LRP2: variants seen among roughly 807,000 people sequenced by gnomAD.
LRP2 encodes LDL receptor related protein 2.
Under a neutral mutation model 531.0 loss-of-function variants are expected in LRP2, and 172 were observed. That is an observed-to-expected ratio of 0.32 (90% CI 0.29 to 0.37). LRP2 has a LOEUF of 0.37. Ranked by LOEUF, LRP2 falls within the 10% of genes least tolerant of loss-of-function variation. The pLI is 1.00. For missense variants in LRP2, 5,167 were observed against 5,868.3 expected, an observed-to-expected ratio of 0.88 and a Z score of 3.90; for synonymous variants, 1,992 against 2,027.6, an observed-to-expected ratio of 0.98 and a Z score of 0.47.
At chr2:169,187,441 AT>A (rs1687672852) in intron 49 of LRP2, among the ~76,000 whole-genome samples, 1 of 152,222 alleles carries the variant, frequency 6.6e-6, no homozygotes, top group Non-Finnish European at 1.5e-5. Flanking sequence ...GGTTACAAGG[AT>A]TAAACACCAC....
chr2:169,246,319 C>T (rs1441328069), intron 21 of LRP2, among the ~76,000 whole-genome samples: 1 of 152,112 alleles, frequency 6.6e-6, no homozygotes, highest in African/African-American at 2.4e-5. Flanking sequence ...GTTTCCCAGG[C>T]TGGTCTCAAA....
chr2:169,307,542 A>G (rs966866550), intron 3 of LRP2, 145 bp from the exon 4 acceptor site: 1 of 668,670 alleles, frequency 1.5e-6, no homozygotes, highest in Non-Finnish European at 2.7e-6. Flanking sequence ...GAGCTTACAA[A>G]GCAAAAACAG....
In LRP2 at chr2:169,282,953, C is replaced by A; in HGVS notation, c.1091G>T (p.Ser364Ile). The A allele has an allele frequency of 4.3e-6, 7 of 1,614,154 alleles. No homozygotes were observed. The highest frequency in any genetic ancestry group is 2.5e-6 in the Non-Finnish European group (3 of 1,180,000). Residue 364 changes from serine to isoleucine, a missense_variant, in exon 10 of 79, where the codon AGC (serine) becomes ATC (isoleucine). Around this residue, in one of 6 missense-constraint regions of LRP2, gnomAD observed 2,811 missense variants for 3,058.0 expected, o/e 0.92. Coordinates refer to ENST00000649046, the MANE Select transcript of LRP2 (RefSeq NM_004525.3). ...IWGICDQKCE[S>I]RPGRHLCHCE... is the part of the protein sequence containing the mutation. ...GTGGCACAGGTGACGGCCAGGTCGG[C>A]TTTCACACTTCTGGTCACAAATTCC... is the stretch of plus-strand genomic sequence containing the variant.
intron 74 of LRP2, among the ~76,000 whole-genome samples, chr2:169,138,999 C>G (rs1239198537): frequency 1.3e-5 from 2 of 152,212 alleles, no homozygotes; most frequent in Admixed American, 1.3e-4. Context: ...CCTCTCTGAC[C>G]TGAACACCTA....
At chr2:169,256,301 G>T in intron 18 of LRP2, 65 bp from the exon 19 acceptor site, 4 of 1,413,934 alleles carry the variant, frequency 2.8e-6, no homozygotes, top group South Asian at 1.2e-5. Flanking sequence ...TTACACAAAG[G>T]GCATCCAAAA....
In LRP2 at chr2:169,188,014, T is replaced by C. The variant is rs777646211; in HGVS notation, c.9284A>G (p.Asn3095Ser). The C allele has an allele frequency of 2.0e-5, 33 of 1,614,014 alleles. No individual in the cohort carries two copies. The highest frequency in any genetic ancestry group is 2.7e-5 in the Non-Finnish European group (32 of 1,180,028). Residue 3095 changes from asparagine to serine, a missense_variant, in exon 49 of 79, where the codon AAC (asparagine) becomes AGC (serine). Physicochemically the swap from Asn to Ser is conservative, Grantham distance 46. This residue lies in a region of LRP2 where 1,129 missense variants were observed against 1,362.7 expected (regional missense o/e 0.83). Coordinates refer to ENST00000649046, the MANE Select transcript of LRP2 (RefSeq NM_004525.3). ...GTTGTCCAAACAGTCATCTAGGTGG[T>C]TGCAGAGTTTCATCATCTCGATGCA... is the stretch of plus-strand genomic sequence containing the variant. ...GRCIEMMKLC[N>S]HLDDCLDNSD...
chr2:169,180,776 A>C (rs1462615947), intron 52 of LRP2, among the ~76,000 whole-genome samples: 6 of 152,396 alleles, frequency 3.9e-5, no homozygotes, highest in Non-Finnish European at 2.9e-5. Flanking sequence ...ATGCTTATGC[A>C]GAAGACAATA....
chr2:169,351,935 T>C (rs1254533561), intron 1 of LRP2, among the ~76,000 whole-genome samples: 2 of 151,772 alleles, frequency 1.3e-5, no homozygotes, highest in Non-Finnish European at 2.9e-5. Flanking sequence ...AGGAAGTAAA[T>C]AGGTGAGGGA....
At position 169,188,100 on chromosome 2, in the gene LRP2, G is replaced by C; in HGVS notation, c.9198C>G (p.His3066Gln). ...DCGDGSDELM[H>Q]LCHTPEPTCP... ...ACGTGGGTTCTGGGGTGTGGCACAG[G>C]TGCATCAGCTCATCAGATCCGTCTC... The change falls in exon 49 of 79, where the codon CAC becomes CAG. Residue 3066 changes from histidine to glutamine, a missense_variant. His to Gln is a conservative substitution (Grantham distance 24, BLOSUM62 0). This residue lies in a region of LRP2 where 1,129 missense variants were observed against 1,362.7 expected (regional missense o/e 0.83). Transcript: ENST00000649046. 1 of 1,614,098 alleles carries C rather than the reference G, an allele frequency of 6.2e-7. No individual in the cohort carries two copies. Among genetic ancestry groups the C allele is most frequent in the Admixed American group, 1.7e-5 (1 of 60,024 alleles).
At position 169,145,152 on chromosome 2, in the gene LRP2, T is replaced by C. The variant is rs959896697; in HGVS notation, c.12988+595A>G. The stretch of plus-strand genomic sequence containing the variant: ...GAAGAGAGAATTTGACATAAGAACT[T>C]AGTAAAAGGCTATTTCCTTTCCTCA... On this transcript the variant is annotated intron_variant, in intron 70 of 78. Transcript: ENST00000649046. Among the ~76,000 whole-genome samples the C allele has an allele frequency of 2.0e-5, 3 of 152,200 alleles. 1 individual carries two copies. Among genetic ancestry groups the C allele is most frequent in the Admixed American group, 1.3e-4 (2 of 15,284 alleles).
At chr2:169,239,858 G>T in intron 25 of LRP2, 83 bp from the exon 26 acceptor site, 1 of 1,184,712 alleles carries the variant, frequency 8.4e-7, no homozygotes, top group Non-Finnish European at 1.2e-6. Context: ...TATTTATTAT[G>T]CAGTCTCATG....
At chr2:169,323,989 T>A (rs190198560) in intron 1 of LRP2, among the ~76,000 whole-genome samples, 15 of 152,072 alleles carry the variant, frequency 9.9e-5, no homozygotes, top group Non-Finnish European at 1.8e-4. Context: ...GAACACCCTA[T>A]CTCTCCAGCA....
At position 169,145,932 on chromosome 2, in the gene LRP2, C is replaced by A. The variant is rs563866700; in HGVS notation, c.12812-9G>T. The A allele has an allele frequency of 1.4e-4, 226 of 1,613,678 alleles. No individual in the cohort carries two copies. The highest frequency in any genetic ancestry group is 1.9e-4 in the Non-Finnish European group (221 of 1,179,868). On this transcript the variant is annotated splice_polypyrimidine_tract_variant and intron_variant, in intron 69 of 78. Coordinates refer to ENST00000649046, the MANE Select transcript of LRP2 (RefSeq NM_004525.3). ...GCTGTAAGGGTTCATTGCTGCTTAC[C>A]CACAGGGGAAAAACAAAACAGAAGG...
chr2:169,284,556 C>T (rs73037817), intron 9 of LRP2, among the ~76,000 whole-genome samples: 6,814 of 152,106 alleles, frequency 0.045, 288 homozygotes, highest in African/African-American at 0.11. Flanking sequence ...CGTAAGCCAC[C>T]GCATCCAGCC....
In LRP2 at chr2:169,225,096, A is replaced by AAAT. The variant is rs1283641288; in HGVS notation, c.5538+213_5538+214insATT. On this transcript the variant is annotated intron_variant, in intron 33 of 78. Coordinates refer to ENST00000649046, the MANE Select transcript of LRP2 (RefSeq NM_004525.3). ...ACAGAGTGAGACTTTGTCTAAAAAA[A>AAAT]AAATAAATAAATAAATAAAAATAAA... is the stretch of plus-strand genomic sequence containing the variant. Among the ~76,000 whole-genome samples the AAAT allele has an allele frequency of 1.5e-4, 23 of 151,766 alleles. 2 individuals carry two copies. The highest frequency in any genetic ancestry group is 4.1e-4 in the African/African-American group (17 of 41,390).
chr2:169,312,798 T>G (rs1464274693), intron 3 of LRP2, among the ~76,000 whole-genome samples: 1 of 152,196 alleles, frequency 6.6e-6, no homozygotes, highest in Non-Finnish European at 1.5e-5. Context: ...TGCAGAGTGT[T>G]TTCCAACTTG....
At chr2:169,316,018 T>C (rs1213266657) in intron 3 of LRP2, among the ~76,000 whole-genome samples, 1 of 147,566 alleles carries the variant, frequency 6.8e-6, no homozygotes. Flanking sequence ...CATGCGCCCG[T>C]AGTCCCAGCT....
chr2:169,242,551 T>G (rs1689846775), intron 24 of LRP2, among the ~76,000 whole-genome samples: 1 of 152,070 alleles, frequency 6.6e-6, no homozygotes, highest in African/African-American at 2.4e-5. Flanking sequence ...GAGTCAATAC[T>G]AAACACAGCT....
At chr2:169,360,119 T>TAA (rs1411876033) in intron 1 of LRP2, among the ~76,000 whole-genome samples, 8 of 98,102 alleles carry the variant, frequency 8.2e-5, no homozygotes, top group African/African-American at 3.3e-4. Context: ...AGCGAGATTC[T>TAA]GTCTCTCTCA....
Sources: gnomAD v4.1 joint callset for allele counts (sites outside exome capture counted in the v4.1 genomes callset) on GRCh38, gnomAD v4.1.1 for gene constraint, gnomAD v4.1.1 regional missense constraint, MANE v1.5 for transcripts, NCBI Gene and HGNC (gene_info 2026-07-23, HGNC 2026-07-21) for gene names.